The following NLGN1 variants were observed in gnomAD, a reference collection of about 807,000 sequenced individuals.
NLGN1 encodes the protein neuroligin-1.
NLGN1 carries 12 observed loss-of-function variants against 65.5 expected under a neutral mutation model. The ratio of observed to expected loss-of-function variants is 0.18; its 90% confidence interval spans 0.12 to 0.30. The LOEUF (loss-of-function observed/expected upper bound fraction) is 0.30, where lower values mean the gene tolerates loss of function less well. NLGN1 is among the 10% of genes least tolerant of loss of function. The pLI, the probability that NLGN1 is intolerant of heterozygous loss-of-function variation, is 1.00. For synonymous variants in NLGN1, 350 were observed against 359.5 expected, an observed-to-expected ratio of 0.97 and a Z score of 0.30; for missense variants, 750 against 1,007.1, an observed-to-expected ratio of 0.74 and a Z score of 3.46.
intron 3 of NLGN1, among the ~76,000 whole-genome samples, chr3:173,645,065 G>A (rs1285783510): frequency 6.6e-6 from 1 of 152,206 alleles, no homozygotes; most frequent in Non-Finnish European, 1.5e-5. Context: ...ATTGAGAATG[G>A]GGCCACAGGT....
chr3:173,942,983 G>A (rs1746426100), intron 4 of NLGN1, among the ~76,000 whole-genome samples: 1 of 152,258 alleles, frequency 6.6e-6, no homozygotes, highest in African/African-American at 2.4e-5. Context: ...CCAGCACTTT[G>A]CGAGGCTGAG....
chr3:173,496,049 C>T (rs530499188), intron 2 of NLGN1, among the ~76,000 whole-genome samples: 5 of 151,664 alleles, frequency 3.3e-5, no homozygotes, highest in African/African-American at 1.2e-4. Flanking sequence ...TTGTTCTCAT[C>T]TCCTGTCAGC....
chr3:174,198,879 C>T (rs4894464), intron 4 of NLGN1, among the ~76,000 whole-genome samples: 42,133 of 134,896 alleles, frequency 0.31, 7,433 homozygotes, highest in Non-Finnish European at 0.39. Context: ...GACGGAGTCT[C>T]GCTCTGTTTC....
chr3:174,285,106 T>C (rs1368160151), exon 7 of NLGN1: 1 of 151,340 alleles, frequency 6.6e-6, no homozygotes, highest in Non-Finnish European at 1.5e-5. Flanking sequence ...ATATGAGAAA[T>C]GTGTTCCAGC....
At chr3:174,076,708 AGAGAGAGAGAGAGAGAGT>A (rs1262283208) in intron 4 of NLGN1, among the ~76,000 whole-genome samples, 161 of 139,728 alleles carry the variant, frequency 1.2e-3, no homozygotes, top group Non-Finnish European at 1.4e-3. Flanking sequence ...AGAGAGAGAG[AGAGAGAGAGAGAGAGAGT>A]GTGTGTGTGT....
intron 4 of NLGN1, among the ~76,000 whole-genome samples, chr3:174,181,437 C>T (rs1577243824): frequency 6.6e-6 from 1 of 152,100 alleles, no homozygotes; most frequent in Admixed American, 6.6e-5. Context: ...CAGAGCCCAT[C>T]GCTGTTACCT....
intron 4 of NLGN1, among the ~76,000 whole-genome samples, chr3:174,084,983 A>T (rs1184399440): frequency 6.6e-6 from 1 of 152,070 alleles, no homozygotes; most frequent in East Asian, 1.9e-4. Context: ...CTTTGATTGT[A>T]AGAATCATCA....
At chr3:174,284,928 A>T (rs978417497) in exon 7 of NLGN1, 10 of 151,482 alleles carry the variant, frequency 6.6e-5, no homozygotes, top group East Asian at 1.9e-4. Flanking sequence ...ACATTTTTTT[A>T]AAAATTATCA....
chr3:173,771,808 G>A (rs1159663284), intron 3 of NLGN1, among the ~76,000 whole-genome samples: 1 of 151,744 alleles, frequency 6.6e-6, no homozygotes, highest in Admixed American at 6.6e-5. Context: ...ATTGTAGTGT[G>A]GGAGCCTTTC....
intron 2 of NLGN1, among the ~76,000 whole-genome samples, chr3:173,474,400 G>T (rs1018344459): frequency 1.3e-5 from 2 of 152,068 alleles, no homozygotes. Context: ...CTAAAAAAAA[G>T]CCCCAAACCC....
chr3:173,630,497 G>T (rs2149538337), intron 3 of NLGN1, among the ~76,000 whole-genome samples: 1 of 151,948 alleles, frequency 6.6e-6, no homozygotes, highest in East Asian at 1.9e-4. Flanking sequence ...GCAGTGTTCT[G>T]CATTTCCCTA....
intron 4 of NLGN1, among the ~76,000 whole-genome samples, chr3:174,002,076 A>T (rs953964683): frequency 4.6e-5 from 7 of 151,048 alleles, no homozygotes; most frequent in African/African-American, 1.7e-4. Context: ...AAAAAACAAG[A>T]TTAGGGCCCT....
intron 4 of NLGN1, among the ~76,000 whole-genome samples, chr3:174,136,089 A>G (rs1481960734): frequency 2.0e-5 from 3 of 152,050 alleles, no homozygotes; most frequent in Non-Finnish European, 4.4e-5. Context: ...CTTCCTCTGG[A>G]AATAATTTTG....
intron 4 of NLGN1, among the ~76,000 whole-genome samples, chr3:173,833,367 T>C (rs1323241209): frequency 6.6e-6 from 1 of 152,216 alleles, no homozygotes; most frequent in Non-Finnish European, 1.5e-5. Flanking sequence ...ATATACTTTT[T>C]TTCCTTCCAT....
chr3:174,134,120 A>C (rs1720761108), intron 4 of NLGN1, among the ~76,000 whole-genome samples: 1 of 152,202 alleles, frequency 6.6e-6, no homozygotes, highest in African/African-American at 2.4e-5. Context: ...TGTACCCACA[A>C]AACGAAAAGA....
Position 173,597,931 on chromosome 3 carries a change from A to AT in NLGN1, c.-320-6341dup, listed in dbSNP as rs554732914. Among the ~76,000 whole-genome samples, 9 of 151,874 alleles carry AT rather than the reference A, an allele frequency of 5.9e-5. No individual in the cohort carries two copies. The East Asian group carries it at 1.7e-3, about 29-fold the overall frequency. ...AGTTATCTTCTTGAGGTTTTCAAAC[A>AT]TTTTTTTCTGATTTGTTATTATATC... is the stretch of plus-strand genomic sequence containing the variant. On this transcript the variant is annotated intron_variant, in intron 2 of 6. Transcript: ENST00000457714.
chr3:173,974,054 A>G (rs937741781), intron 4 of NLGN1, among the ~76,000 whole-genome samples: 2 of 152,034 alleles, frequency 1.3e-5, no homozygotes, highest in Non-Finnish European at 2.9e-5. Flanking sequence ...GGTAATTACA[A>G]CTGTGCAGAA....
intron 4 of NLGN1, among the ~76,000 whole-genome samples, chr3:173,873,222 G>T (rs1343686300): frequency 6.6e-6 from 1 of 151,848 alleles, no homozygotes; most frequent in Admixed American, 6.6e-5. Context: ...CCAAGTAGCT[G>T]GGATTACAGG....
intron 3 of NLGN1, among the ~76,000 whole-genome samples, chr3:173,636,219 G>T (rs1025631399): frequency 2.0e-5 from 3 of 151,956 alleles, no homozygotes; most frequent in South Asian, 2.1e-4. Context: ...CTACCCCACC[G>T]CTGCTGCATC....
Sources: allele counts gnomAD v4.1 joint callset (sites outside exome capture counted in the v4.1 genomes callset), GRCh38; gene constraint gnomAD v4.1.1; transcripts MANE v1.5; gene names NCBI Gene and HGNC (gene_info 2026-07-23, HGNC 2026-07-21).